TMEM108: variants seen among roughly 807,000 people sequenced by gnomAD.
The protein encoded by TMEM108 is cancer/testis antigen 124.
TMEM108 carries 12 observed loss-of-function variants against 35.1 expected under a neutral mutation model. The ratio of observed to expected loss-of-function variants is 0.34; its 90% CI spans 0.22 to 0.55. The LOEUF (loss-of-function observed/expected upper bound fraction) is 0.55. TMEM108 is among the 20% of genes least tolerant of loss of function. TMEM108 has a pLI of 0.89. For synonymous variants in TMEM108, 287 were observed against 308.6 expected (o/e 0.93, Z 0.73); for missense variants, 680 against 753.3 (o/e 0.90, Z 1.14).
intron 3 of TMEM108, among the ~76,000 whole-genome samples, chr3:133,328,352 C>T (rs1413181342): frequency 1.3e-5 from 2 of 152,144 alleles, no homozygotes; most frequent in Admixed American, 6.5e-5. Context: ...AAGCCTGTCA[C>T]CTGGATGTAA....
chr3:133,081,329 C>T (rs189841724), intron 2 of TMEM108, among the ~76,000 whole-genome samples: 11 of 152,316 alleles, frequency 7.2e-5, no homozygotes, highest in Admixed American at 3.9e-4. Context: ...ACCTCCTTGA[C>T]GTGTTCTCAC....
intron 3 of TMEM108, among the ~76,000 whole-genome samples, chr3:133,265,484 G>A (rs1482449688): frequency 2.0e-5 from 3 of 152,168 alleles, no homozygotes; most frequent in African/African-American, 7.2e-5. Context: ...TGAGGCTGCA[G>A]TGCAGTGATT....
rs573392643 is a variant in TMEM108, at chr3:133,342,035, A to G, written c.41-37717A>G. ...AACCAAAGCAAAAAGAACAAATGGG[A>G]TCACTTCAAGTTAAAAAGCATCTGC... On this transcript the variant is annotated intron_variant, in intron 3 of 5. Transcript: ENST00000321871. 2.6e-5 allele frequency among the ~76,000 whole-genome samples: 4 copies of G among 152,046 alleles called. No individual in the cohort carries two copies. The South Asian group carries it at 8.3e-4, about 31-fold the overall frequency.
intron 3 of TMEM108, among the ~76,000 whole-genome samples, chr3:133,350,863 T>G (rs148741664): frequency 9.9e-5 from 15 of 152,184 alleles, no homozygotes; most frequent in African/African-American, 3.6e-4. Context: ...ACCCTGGCCC[T>G]CTTCCTAGCT....
In TMEM108 at chr3:133,381,020, G is replaced by A. The variant is rs375774878; in HGVS notation, c.1309G>A (p.Gly437Arg). The A allele has an allele frequency of 9.9e-6, 16 of 1,614,086 alleles. No homozygotes were observed. The Admixed American group carries it at 1.7e-4, about 17-fold the overall frequency. The change falls in exon 4 of 6, where the codon GGG becomes AGG. Residue 437 changes from glycine to arginine, a missense_variant. Physicochemically the swap from Gly to Arg is moderately radical, Grantham distance 125. Coordinates refer to ENST00000321871, the MANE Select transcript of TMEM108 (RefSeq NM_023943.4). ...TTTCCTCAACCGCCTGGTCCCCGCC[G>A]GGACCTGGAAGCCTGGGACAGCAGG... ...GNFLNRLVPA[G>R]TWKPGTAGNI... is the part of the protein sequence containing the mutation.
intron 2 of TMEM108, among the ~76,000 whole-genome samples, chr3:133,089,029 G>A (rs1185306374): frequency 6.6e-6 from 1 of 152,172 alleles, no homozygotes; most frequent in African/African-American, 2.4e-5. Context: ...GGGGGAGTGA[G>A]CTGTCTCACA....
chr3:133,381,863 C>G (rs943357000), intron 4 of TMEM108, among the ~76,000 whole-genome samples: 1 of 152,194 alleles, frequency 6.6e-6, no homozygotes, highest in Non-Finnish European at 1.5e-5. Flanking sequence ...TCTCCACCCC[C>G]ACCCCACTTT....
chr3:133,041,744 C>G (rs898694690), intron 1 of TMEM108: 1 of 152,172 alleles, frequency 6.6e-6, no homozygotes, highest in Non-Finnish European at 1.5e-5. Context: ...ATGATTTGAT[C>G]CAACTTTCCA....
intron 5 of TMEM108, among the ~76,000 whole-genome samples, chr3:133,392,666 A>G (rs2073251881): frequency 6.6e-6 from 1 of 151,890 alleles, no homozygotes; most frequent in Non-Finnish European, 1.5e-5. Context: ...CCAAAACCCA[A>G]ACCTCACATG....
intron 2 of TMEM108, among the ~76,000 whole-genome samples, chr3:133,137,723 A>G (rs1454059006): frequency 6.6e-6 from 1 of 152,070 alleles, no homozygotes; most frequent in African/African-American, 2.4e-5. Flanking sequence ...TGTTTTTCCT[A>G]GTGGTTTAAA....
chr3:133,262,102 T>C (rs1046331722), intron 3 of TMEM108, among the ~76,000 whole-genome samples: 1 of 152,226 alleles, frequency 6.6e-6, no homozygotes, highest in East Asian at 1.9e-4. Context: ...CAGTTTAATA[T>C]TCTGCCTCCA....
chr3:133,333,140 G>C (rs968445762), intron 3 of TMEM108, among the ~76,000 whole-genome samples: 7 of 152,092 alleles, frequency 4.6e-5, no homozygotes, highest in African/African-American at 1.7e-4. Context: ...GAAAGTTCTA[G>C]ACCTGCACTG....
Position 133,272,272 on chromosome 3 carries a change from C to CATGTGTGT in TMEM108, c.40+42921_40+42922insATGTGTGT, listed in dbSNP as rs373072243. Among the ~76,000 whole-genome samples, 86 of 137,838 alleles carry CATGTGTGT rather than the reference C, an allele frequency of 6.2e-4. 1 individual carries two copies. The highest frequency in any genetic ancestry group is 2.2e-3 in the African/African-American group (82 of 37,350). The allele number at this position is 137,838 out of a possible 152,430, so 90.4% of individuals were successfully genotyped here. A position where few individuals can be genotyped will look rare whatever the true frequency, so the allele number is the denominator to read the frequency against. ...GCCTTATAAGAACACCATACACGTA[C>CATGTGTGT]GTGTGTGTGTGTGTGTGTGTGTGTG... On this transcript the variant is annotated intron_variant, in intron 3 of 5. Coordinates refer to ENST00000321871, the MANE Select transcript of TMEM108 (RefSeq NM_023943.4).
At chr3:133,169,466 A>G (rs1402456528) in intron 2 of TMEM108, among the ~76,000 whole-genome samples, 4 of 152,218 alleles carry the variant, frequency 2.6e-5, no homozygotes, top group Non-Finnish European at 5.9e-5. Context: ...TGTCTGGACT[A>G]TGCGGTGGAA....
chr3:133,216,515 T>C (rs1449363297), intron 2 of TMEM108, among the ~76,000 whole-genome samples: 1 of 152,164 alleles, frequency 6.6e-6, no homozygotes, highest in East Asian at 1.9e-4. Context: ...TATTAACTAT[T>C]GTCACCATGT....
At chr3:133,276,763 A>G (rs1946843999) in intron 3 of TMEM108, among the ~76,000 whole-genome samples, 1 of 152,160 alleles carries the variant, frequency 6.6e-6, no homozygotes, top group Admixed American at 6.5e-5. Flanking sequence ...GTGCTGCTTT[A>G]AGAACCATCT....
intron 2 of TMEM108, among the ~76,000 whole-genome samples, chr3:133,094,238 C>A (rs1278933947): frequency 7.7e-6 from 1 of 129,786 alleles, no homozygotes. Flanking sequence ...CCCCCACCCC[C>A]CCCACACACA....
intron 2 of TMEM108, among the ~76,000 whole-genome samples, chr3:133,170,703 C>T (rs1008648235): frequency 3.3e-5 from 5 of 151,776 alleles, no homozygotes; most frequent in African/African-American, 9.7e-5. Context: ...TTAAAATACA[C>T]TGCTTTTTTT....
intron 3 of TMEM108, among the ~76,000 whole-genome samples, chr3:133,297,501 G>C (rs1387180443): frequency 2.0e-5 from 3 of 152,128 alleles, no homozygotes; most frequent in Non-Finnish European, 4.4e-5. Flanking sequence ...TGATCTAGAT[G>C]ATTTCTGATT....
Sources: allele counts gnomAD v4.1 joint callset (sites outside exome capture counted in the v4.1 genomes callset), GRCh38; gene constraint gnomAD v4.1.1; transcripts MANE v1.5; gene names NCBI Gene and HGNC (gene_info 2026-07-23, HGNC 2026-07-21).